ARL15: variants seen among roughly 807,000 people sequenced by gnomAD.
ARL15 encodes the protein ARF like GTPase 15.
A neutral mutation model predicts 25.2 loss-of-function variants in ARL15; 19 were observed. The observed-to-expected ratio is 0.75, with a 90% CI of 0.53 to 1.10. The LOEUF is 1.10. ARL15 is among the 50% of genes least tolerant of loss of function. The pLI, the probability that ARL15 is intolerant of heterozygous loss-of-function variation, is 0.00. For missense variants in ARL15, 220 were observed against 246.0 expected (o/e 0.89, Z 0.71); for synonymous variants, 94 against 86.8 (o/e 1.08, Z -0.46).
chr5:54,221,908 C>A (rs928182917), intron 1 of ARL15, among the ~76,000 whole-genome samples: 1 of 152,102 alleles, frequency 6.6e-6, no homozygotes, highest in Non-Finnish European at 1.5e-5. Flanking sequence ...ACAGTGTGTG[C>A]GCACACATAC....
At chr5:54,034,930 A>G (rs566828624) in intron 4 of ARL15, among the ~76,000 whole-genome samples, 1 of 152,040 alleles carries the variant, frequency 6.6e-6, no homozygotes, top group South Asian at 2.1e-4. Flanking sequence ...CGGACTCCCA[A>G]AGTGCTGGGA....
At chr5:54,099,763 T>C (rs1254270908) in intron 4 of ARL15, among the ~76,000 whole-genome samples, 2 of 152,132 alleles carry the variant, frequency 1.3e-5, no homozygotes, top group Non-Finnish European at 2.9e-5. Flanking sequence ...TAAGACTCTC[T>C]ATGTGCTATG....
chr5:54,079,056 C>G (rs1352255956), intron 4 of ARL15, among the ~76,000 whole-genome samples: 1 of 152,030 alleles, frequency 6.6e-6, no homozygotes, highest in African/African-American at 2.4e-5. Flanking sequence ...ACGATATTTA[C>G]AGATTAATAG....
intron 4 of ARL15, among the ~76,000 whole-genome samples, chr5:53,907,922 C>A (rs762950671): frequency 2.0e-5 from 3 of 152,034 alleles, no homozygotes; most frequent in African/African-American, 7.2e-5. Context: ...GATACGATTG[C>A]TATTTAAGAT....
intron 4 of ARL15, among the ~76,000 whole-genome samples, chr5:53,978,622 C>CAAAAAAAAAAAAAAAAAAAAAA (rs147288475): frequency 1.7e-4 from 13 of 74,566 alleles, no homozygotes; most frequent in Non-Finnish European, 3.0e-4. Flanking sequence ...CCTGTCTCTA[C>CAAAAAAAAAAAAAAAAAAAAAA]AAAAAAAAAA....
intron 1 of ARL15, among the ~76,000 whole-genome samples, chr5:54,266,278 C>A (rs1317143468): frequency 6.6e-6 from 1 of 152,214 alleles, no homozygotes; most frequent in Admixed American, 6.5e-5. Context: ...GAGCAGACCT[C>A]TCCCCGTGGC....
At chr5:54,267,315 T>C (rs1335959810) in intron 1 of ARL15, among the ~76,000 whole-genome samples, 1 of 152,172 alleles carries the variant, frequency 6.6e-6, no homozygotes, top group Admixed American at 6.5e-5. Flanking sequence ...ACGGTCTCGA[T>C]CTCCCGACCT....
intron 4 of ARL15, among the ~76,000 whole-genome samples, chr5:54,105,731 C>T (rs1207481168): frequency 4.6e-5 from 7 of 152,008 alleles, no homozygotes; most frequent in African/African-American, 7.2e-5. Context: ...TACAGGGGCG[C>T]GCCACCATGC....
At chr5:54,157,017 G>A (rs1223794095) in intron 2 of ARL15, among the ~76,000 whole-genome samples, 1 of 152,178 alleles carries the variant, frequency 6.6e-6, no homozygotes, top group Non-Finnish European at 1.5e-5. Flanking sequence ...GGATTAAAAA[G>A]CAATGATGGT....
At chr5:53,959,766 T>G (rs1159668130) in intron 4 of ARL15, among the ~76,000 whole-genome samples, 1 of 152,120 alleles carries the variant, frequency 6.6e-6, no homozygotes, top group African/African-American at 2.4e-5. Flanking sequence ...CAACGTTGCA[T>G]TCCTCCTCCC....
At chr5:54,005,965 G>A (rs1749024171) in intron 4 of ARL15, among the ~76,000 whole-genome samples, 1 of 147,384 alleles carries the variant, frequency 6.8e-6, no homozygotes, top group African/African-American at 2.5e-5. Context: ...CACAAGAATT[G>A]CTTGAACCCA....
intron 4 of ARL15, among the ~76,000 whole-genome samples, chr5:54,104,460 A>G (rs537296274): frequency 6.6e-6 from 1 of 152,270 alleles, no homozygotes; most frequent in East Asian, 1.9e-4. Flanking sequence ...AGTACCTTGC[A>G]AAGAAGTTTG....
chr5:54,107,883 T>C (rs1752634780), intron 4 of ARL15, among the ~76,000 whole-genome samples: 1 of 152,166 alleles, frequency 6.6e-6, no homozygotes. Context: ...ATTTTGCTTT[T>C]GGTGGACAAG....
chr5:54,041,982 T>G (rs913326103), intron 4 of ARL15, among the ~76,000 whole-genome samples: 2 of 151,816 alleles, frequency 1.3e-5, no homozygotes, highest in Non-Finnish European at 2.9e-5. Context: ...TTGTTTTTTT[T>G]TTTTTTGAGA....
chr5:53,987,884 C>T lies in ARL15; in HGVS notation c.463-101171G>A, dbSNP rs562653843. The stretch of plus-strand genomic sequence containing the variant: ...TTGGAAGGCCGAGGTGGGCGGATCA[C>T]GAGGTCAGGAGATGGAGACCATCCT... On this transcript the variant is annotated intron_variant, in intron 4 of 4. Transcript: ENST00000504924. Among the ~76,000 whole-genome samples the T allele has an allele frequency of 1.9e-4, 29 of 152,244 alleles. No homozygotes were observed. In the East Asian group the frequency reaches 4.8e-3, roughly 25 times the overall value.
intron 4 of ARL15, among the ~76,000 whole-genome samples, chr5:53,915,359 C>T (rs995680679): frequency 6.6e-6 from 1 of 152,088 alleles, no homozygotes; most frequent in Non-Finnish European, 1.5e-5. Context: ...TCAAAGAACC[C>T]GTAGGCTACT....
chr5:53,996,637 AAAAAG>A (rs1192434714), intron 4 of ARL15, among the ~76,000 whole-genome samples: 2 of 145,558 alleles, frequency 1.4e-5, no homozygotes. Context: ...AAAAAAAAAA[AAAAAG>A]AGAACACCCC....
intron 4 of ARL15, among the ~76,000 whole-genome samples, chr5:53,972,293 C>T (rs1439446506): frequency 6.6e-6 from 1 of 152,098 alleles, no homozygotes; most frequent in Non-Finnish European, 1.5e-5. Context: ...CATTTTTCCT[C>T]CCTAAAAAAA....
At chr5:53,981,563 A>G (rs571940709) in intron 4 of ARL15, among the ~76,000 whole-genome samples, 31 of 152,180 alleles carry the variant, frequency 2.0e-4, no homozygotes, top group African/African-American at 7.5e-4. Context: ...TAATTTAAAA[A>G]CTCGAAAAAC....
Sources: gnomAD v4.1 joint callset for allele counts (sites outside exome capture counted in the v4.1 genomes callset) on GRCh38, gnomAD v4.1.1 for gene constraint, MANE v1.5 for transcripts, NCBI Gene and HGNC (gene_info 2026-07-23, HGNC 2026-07-21) for gene names.